Variants in CROCC observed in about 807,000 individuals in gnomAD.
CROCC encodes rootletin.
Under a neutral mutation model 245.2 loss-of-function variants are expected in CROCC, and 180 were observed. The ratio of observed to expected loss-of-function variants is 0.73; its 90% CI spans 0.65 to 0.83. CROCC has a LOEUF of 0.83. Ranked by LOEUF, CROCC falls within the 40% of genes least tolerant of loss-of-function variation. The pLI, the probability that CROCC is intolerant of heterozygous loss-of-function variation, is 0.00. For synonymous variants in CROCC, 1,205 were observed against 1,241.6 expected, an observed-to-expected ratio of 0.97 and a Z score of 0.62; for missense variants, 2,688 against 2,779.4, an observed-to-expected ratio of 0.97 and a Z score of 0.74.
In CROCC at chr1:16,922,028, G is replaced by A. The variant is rs1166899848; in HGVS notation, c.10G>A (p.Gly4Arg). 2 of 1,550,832 alleles carry A rather than the reference G, an allele frequency of 1.3e-6. No homozygotes were observed. The highest frequency in any genetic ancestry group is 2.4e-5 in the East Asian group (1 of 41,094). Residue 4 changes from glycine (G) to arginine (R), a missense_variant, in exon 1 of 37, where the codon GGG becomes AGG. Coordinates refer to ENST00000375541, the MANE Select transcript of CROCC (RefSeq NM_014675.5). ...CCACAGCCTCCCCCCCATGAGCTTG[G>A]GGCTGGCGGGGGCACAGGAGGTGGA... MSL[G>R]LAGAQEVELT...
upstream of CROCC, among the ~76,000 whole-genome samples, chr1:16,917,425 G>A (rs537246061): frequency 6.6e-6 from 1 of 152,184 alleles, no homozygotes; most frequent in African/African-American, 2.4e-5. Flanking sequence ...TGTTTGAAAC[G>A]AGTAATCTTT....
upstream of CROCC, among the ~76,000 whole-genome samples, chr1:16,917,653 AC>A (rs1337012503): frequency 8.0e-6 from 1 of 125,394 alleles, no homozygotes; most frequent in African/African-American, 3.0e-5. Flanking sequence ...GCCAACACTT[AC>A]CCGCTGTTGA....
chr1:16,935,443 C>T (rs1179437021), intron 8 of CROCC, among the ~76,000 whole-genome samples: 3 of 152,108 alleles, frequency 2.0e-5, no homozygotes, highest in Non-Finnish European at 2.9e-5. Context: ...TGTTTTGAGA[C>T]ATAGTCTCAC....
At chr1:16,944,557 T>C (rs1456667173) in intron 14 of CROCC, among the ~76,000 whole-genome samples, 1 of 152,310 alleles carries the variant, frequency 6.6e-6, no homozygotes, top group East Asian at 1.9e-4. Context: ...AGCAGTAGTA[T>C]TTTAAAAATT....
chr1:16,963,243 C>A (rs1037015546), intron 27 of CROCC, among the ~76,000 whole-genome samples: 1 of 148,776 alleles, frequency 6.7e-6, no homozygotes, highest in South Asian at 2.1e-4. Flanking sequence ...GCAGTTCATG[C>A]GGGGGCAGCA....
chr1:16,960,648 GGTT>G lies in CROCC; in HGVS notation c.4033-107_4033-105del, dbSNP rs1180776434. ...GAGTGGCGAGCACTAAAGGAGAAAGGGTTGTACTGACCACACAGTCAGGGATGG... is the reference window on the plus strand; with the variant it reads ...GAGTGGCGAGCACTAAAGGAGAAAGGGTACTGACCACACAGTCAGGGATGG... On this transcript the variant is annotated intron_variant, in intron 26 of 36. Transcript: ENST00000375541. 4.6e-6 allele frequency: 6 copies of G among 1,318,414 alleles called. 1 individual carries two copies. In the Admixed American group the frequency reaches 2.3e-4, roughly 51 times the overall value. 81.7% of individuals were successfully genotyped at this position (1,318,414 alleles called of 1,614,324 possible). A position where few individuals can be genotyped will look rare whatever the true frequency, so the allele number is the denominator to read the frequency against.
intron 1 of CROCC, among the ~76,000 whole-genome samples, chr1:16,916,485 G>A (rs1456661644): frequency 6.6e-6 from 1 of 152,280 alleles, no homozygotes; most frequent in African/African-American, 2.4e-5. Flanking sequence ...AGCAGGCGCT[G>A]CAGGATGGAA....
intron 3 of CROCC, among the ~76,000 whole-genome samples, chr1:16,927,276 C>T (rs1483085446): frequency 6.6e-6 from 1 of 152,262 alleles, no homozygotes; most frequent in Non-Finnish European, 1.5e-5. Context: ...CACCGGGGAC[C>T]TATAACAACC....
upstream of CROCC, chr1:16,921,838 C>T: frequency 1.6e-6 from 1 of 621,950 alleles, no homozygotes; most frequent in East Asian, 3.0e-5. Flanking sequence ...CCTTTCCCAT[C>T]CCCTCCCTCC....
intron 10 of CROCC, among the ~76,000 whole-genome samples, chr1:16,938,139 C>G (rs1177153226): frequency 6.7e-6 from 1 of 150,162 alleles, no homozygotes; most frequent in Non-Finnish European, 1.5e-5. Flanking sequence ...TTTGGTCACC[C>G]CTCTGTGTGG....
At chr1:16,943,537 C>CAAA (rs879660607) in intron 13 of CROCC, among the ~76,000 whole-genome samples, 2,704 of 136,164 alleles carry the variant, frequency 0.02, no homozygotes, top group Non-Finnish European at 0.028. Flanking sequence ...GACTCCGTCT[C>CAAA]AAAAAAAAAA....
chr1:16,956,272 A>AGTT, intron 25 of CROCC, 116 bp downstream of exon 25: 3 of 1,108,438 alleles, frequency 2.7e-6, no homozygotes, highest in Non-Finnish European at 2.5e-6. Context: ...TTGAACTATG[A>AGTT]CAAGCCCTCT....
At chr1:16,936,357 T>C (rs539149167) in intron 8 of CROCC, among the ~76,000 whole-genome samples, 4 of 152,354 alleles carry the variant, frequency 2.6e-5, no homozygotes, top group Non-Finnish European at 5.9e-5. Flanking sequence ...AGTCTCCACT[T>C]CCTGGGTTCA....
chr1:16,920,147 C>T (rs542978828), upstream of CROCC, among the ~76,000 whole-genome samples: 1,097 of 152,098 alleles, frequency 7.2e-3, no homozygotes, highest in African/African-American at 0.017. Context: ...GGCATGATCT[C>T]GCCTCACTGC....
Position 16,929,949 on chromosome 1 carries a change from A to C in CROCC, c.455A>C (p.Gln152Pro). 6.3e-7 allele frequency: 1 copy of C among 1,587,188 alleles called. No homozygotes were observed. Among genetic ancestry groups the C allele is most frequent in the Non-Finnish European group, 8.5e-7 (1 of 1,170,074 alleles). ...VELRRQLQEE[Q>P]ASYRRKLQAY... ...TTGCGGAGGCAGCTGCAGGAGGAGCAGGCCTCCTACCGGCGCAAGCTGCAG... is the reference window on the plus strand; with the variant it reads ...TTGCGGAGGCAGCTGCAGGAGGAGCCGGCCTCCTACCGGCGCAAGCTGCAG... Residue 152 changes from glutamine (Q) to proline (P), a missense_variant, in exon 4 of 37, where the codon CAG becomes CCG. This residue lies in a region of CROCC where 972 missense variants were observed against 895.3 expected (regional missense o/e 1.09). Transcript: ENST00000375541.
chr1:16,971,565 G>A lies in CROCC; in HGVS notation c.5885G>A (p.Arg1962His), dbSNP rs200022049. 3.2e-3 allele frequency: 4,885 copies of A among 1,536,324 alleles called. 17 individuals are homozygous for A. The highest frequency in any genetic ancestry group is 3.9e-3 in the Non-Finnish European group (4,435 of 1,145,892). Reference sequence around the variant, plus strand: ...CTGCAGCAGGAGGTGGAGCGGCTGCGCAGCGCCCAGGCGCAGACTGAGCGC... The same window carrying A: ...CTGCAGCAGGAGGTGGAGCGGCTGCACAGCGCCCAGGCGCAGACTGAGCGC... Reference protein sequence around the residue: ...LELQQEVERLRSAQAQTERTL... With the variant: ...LELQQEVERLHSAQAQTERTL... Residue 1962 changes from arginine (R) to histidine (H), a missense_variant, in exon 36 of 37, where the codon CGC (arginine) becomes CAC (histidine). Transcript: ENST00000375541.
intron 2 of CROCC, 61 bp from the exon 3 acceptor site, chr1:16,924,264 T>C (rs1177899076): frequency 6.3e-7 from 1 of 1,581,742 alleles, no homozygotes; most frequent in Non-Finnish European, 8.6e-7. Flanking sequence ...GCCCTCCCTG[T>C]TGGGGGGAGG....
At position 16,955,354 on chromosome 1, in the gene CROCC, C is replaced by T. The variant is rs1367008210; in HGVS notation, c.3508C>T (p.Arg1170Cys). ...RTQLRLLEDA[R>C]DGLRRELLEA... The stretch of plus-strand genomic sequence containing the variant: ...CCAGCTGCGTCTGCTGGAGGATGCC[C>T]GTGACGGGCTGCGGCGGGAGCTGCT... Residue 1170 changes from arginine to cysteine, a missense_variant, in exon 24 of 37, where the codon CGT (arginine) becomes TGT (cysteine). By Grantham distance (180) the Arg-to-Cys change is radical (BLOSUM62 -3). Coordinates refer to ENST00000375541, the MANE Select transcript of CROCC (RefSeq NM_014675.5). 5.0e-6 allele frequency: 8 copies of T among 1,608,272 alleles called. No individual in the cohort carries two copies. The highest frequency in any genetic ancestry group is 5.9e-6 in the Non-Finnish European group (7 of 1,179,702).
Position 16,966,435 on chromosome 1 carries a change from G to T in CROCC, c.4724G>T (p.Ser1575Ile). The T allele has an allele frequency of 6.5e-7, 1 of 1,537,640 alleles. No homozygotes were observed. ...EARRSVDGRL[S>I]GVQAELALQE... ...CGGCGCAGTGTGGATGGGCGGCTGA[G>T]CGGGGTCCAGGCGGAGCTGGCGCTG... Residue 1575 changes from serine (S) to isoleucine (I), a missense_variant, in exon 30 of 37, where the codon AGC becomes ATC. Ser to Ile is a moderately radical substitution (Grantham distance 142, BLOSUM62 -2). Transcript: ENST00000375541. This position sits in a 1 kb window ranked among gnomAD's most constrained non-coding sequence, Gnocchi z 4.8.
Sources: gnomAD v4.1 joint callset for allele counts (sites outside exome capture counted in the v4.1 genomes callset) on GRCh38, gnomAD v4.1.1 for gene constraint, gnomAD v4.1.1 regional missense constraint, Gnocchi (gnomAD v3.1) non-coding constraint, MANE v1.5 for transcripts, NCBI Gene and HGNC (gene_info 2026-07-23, HGNC 2026-07-21) for gene names.